The following BRINP3 variants were observed in gnomAD, a reference collection of about 807,000 sequenced individuals.
BRINP3 encodes the protein BMP/retinoic acid inducible neural specific 3.
BRINP3 carries 19 observed loss-of-function variants against 71.0 expected under a neutral mutation model. That is an observed-to-expected ratio of 0.27 (90% CI 0.19 to 0.39). The LOEUF (loss-of-function observed/expected upper bound fraction) is 0.39. Ranked by LOEUF, BRINP3 falls within the 10% of genes least tolerant of loss-of-function variation. The pLI is 1.00. For synonymous variants in BRINP3, 380 were observed against 337.7 expected, an observed-to-expected ratio of 1.13 and a Z score of -1.37; for missense variants, 959 against 940.8, an observed-to-expected ratio of 1.02 and a Z score of -0.25.
rs200148039 is a variant in BRINP3 at position 190,296,066 on chromosome 1, GT to G, written c.237-14317del. ...GTTTGTTTGTTTGTTTGCTTTTGTG[GT>G]TTTTTTTTTGGGGGGGGGCTGGGCT... On this transcript the variant is annotated intron_variant, in intron 2 of 7. Coordinates refer to ENST00000367462, the MANE Select transcript of BRINP3 (RefSeq NM_199051.3). Among the ~76,000 whole-genome samples the G allele has an allele frequency of 2.1e-3, 266 of 124,300 alleles. 4 individuals are homozygous for G. Among genetic ancestry groups the G allele is most frequent in the East Asian group, 0.012 (52 of 4,232 alleles). The allele number at this position is 124,300 out of a possible 152,430, so 81.5% of individuals were successfully genotyped here. A position where few individuals can be genotyped will look rare whatever the true frequency, so the allele number is the denominator to read the frequency against.
intron 6 of BRINP3, among the ~76,000 whole-genome samples, chr1:190,222,516 C>T (rs1656982249): frequency 6.6e-6 from 1 of 151,488 alleles, no homozygotes; most frequent in African/African-American, 2.4e-5. Flanking sequence ...ATAAACCAAA[C>T]CCCAAATTAA....
At chr1:190,340,485 G>A (rs886624422) in intron 2 of BRINP3, among the ~76,000 whole-genome samples, 11 of 151,412 alleles carry the variant, frequency 7.3e-5, no homozygotes, top group Non-Finnish European at 1.2e-4. Flanking sequence ...GTTTATTATG[G>A]GTCCCTGGAC....
intron 7 of BRINP3, among the ~76,000 whole-genome samples, chr1:190,114,221 T>C (rs1304510286): frequency 6.6e-6 from 1 of 152,174 alleles, no homozygotes; most frequent in Non-Finnish European, 1.5e-5. Flanking sequence ...CCTGCTTCTG[T>C]TCTGCCTTCT....
At chr1:190,393,183 A>AC (rs1309403765) in intron 2 of BRINP3, among the ~76,000 whole-genome samples, 5 of 151,708 alleles carry the variant, frequency 3.3e-5, no homozygotes, top group African/African-American at 4.8e-5. Context: ...TATTAAGCAC[A>AC]CATTTACATG....
rs115244145 is a variant in BRINP3, at chr1:190,464,523, C to T, written c.-50-9583G>A. Among the ~76,000 whole-genome samples, 670 of 151,960 alleles carry T rather than the reference C, an allele frequency of 4.4e-3. 2 individuals carry two copies. Among genetic ancestry groups the T allele is most frequent in the Non-Finnish European group, 7.1e-3 (480 of 67,854 alleles). On this transcript the variant is annotated intron_variant, in intron 1 of 7. Transcript: ENST00000367462. ...TTCGTAATCCCTGGAGCCCCTACTA[C>T]GTAATGCACTGTCTTAGGCATAGTA...
At chr1:190,134,368 A>G (rs1010916230) in intron 7 of BRINP3, among the ~76,000 whole-genome samples, 3 of 152,058 alleles carry the variant, frequency 2.0e-5, no homozygotes, top group Non-Finnish European at 4.4e-5. Context: ...GAGAGTGACA[A>G]AGCAGGATTA....
chr1:190,473,540 C>CTTTTTTTTTTTT (rs201424484), intron 1 of BRINP3, among the ~76,000 whole-genome samples: 1 of 133,078 alleles, frequency 7.5e-6, no homozygotes, highest in South Asian at 2.3e-4. Context: ...TAATTTTTCT[C>CTTTTTTTTTTTT]TTTTTTTTTT....
At chr1:190,101,938 A>T (rs1651740994) in intron 7 of BRINP3, among the ~76,000 whole-genome samples, 1 of 152,160 alleles carries the variant, frequency 6.6e-6, no homozygotes, top group Non-Finnish European at 1.5e-5. Flanking sequence ...TTATGGAAGG[A>T]AAGCGTTTCG....
At chr1:190,348,159 A>G (rs1022395199) in intron 2 of BRINP3, among the ~76,000 whole-genome samples, 1 of 152,166 alleles carries the variant, frequency 6.6e-6, no homozygotes, top group Non-Finnish European at 1.5e-5. Context: ...CTGTTCAGAA[A>G]GAGTACATTC....
intron 6 of BRINP3, among the ~76,000 whole-genome samples, chr1:190,187,406 T>G (rs1653627772): frequency 6.6e-6 from 1 of 152,152 alleles, no homozygotes; most frequent in African/African-American, 2.4e-5. Context: ...TAGTATACTT[T>G]TGCTTTTGTT....
chr1:190,177,559 A>G (rs1215299576), intron 6 of BRINP3, among the ~76,000 whole-genome samples: 1 of 152,042 alleles, frequency 6.6e-6, no homozygotes, highest in African/African-American at 2.4e-5. Context: ...TAAATGCATT[A>G]TTTAAACAAA....
chr1:190,131,180 CGGGGGGTGGGGGGT>C (rs1654510174), intron 7 of BRINP3, among the ~76,000 whole-genome samples: 1 of 77,744 alleles, frequency 1.3e-5, no homozygotes. Context: ...GTGTGTGTGG[CGGGGGGTGGGGGGT>C]GGGGGGACAG....
At chr1:190,219,176 A>T (rs1656659792) in intron 6 of BRINP3, among the ~76,000 whole-genome samples, 1 of 152,136 alleles carries the variant, frequency 6.6e-6, no homozygotes, top group South Asian at 2.1e-4. Flanking sequence ...TTAATAATTA[A>T]TCCTTCAATG....
intron 2 of BRINP3, among the ~76,000 whole-genome samples, chr1:190,323,361 C>A (rs1258860256): frequency 2.0e-5 from 3 of 151,786 alleles, no homozygotes. Context: ...AAAATGATGA[C>A]TTGATTTTCA....
intron 6 of BRINP3, among the ~76,000 whole-genome samples, chr1:190,215,082 T>C (rs1199099862): frequency 7.2e-6 from 1 of 138,142 alleles, no homozygotes; most frequent in Non-Finnish European, 1.6e-5. Context: ...TAGCAATCCA[T>C]GTAGCTATTA....
intron 6 of BRINP3, among the ~76,000 whole-genome samples, chr1:190,210,218 C>T (rs1309167117): frequency 6.6e-6 from 1 of 151,918 alleles, no homozygotes; most frequent in Non-Finnish European, 1.5e-5. Context: ...AAAGTATACA[C>T]AATTTAGTGA....
rs556569035 is a variant in BRINP3 at position 190,180,158 on chromosome 1, G to T, written c.962-19268C>A. ...TCTGCACACAAAAGGGAAAGAGCAC[G>T]TGCCTGCTGCCTACTTCAAAGGATC... On this transcript the variant is annotated intron_variant, in intron 6 of 7. Transcript: ENST00000367462. Among the ~76,000 whole-genome samples the T allele has an allele frequency of 4.6e-5, 7 of 152,164 alleles. No individual in the cohort carries two copies. In the South Asian group the frequency reaches 1.2e-3, roughly 27 times the overall value.
rs528962122 is a variant in BRINP3 at position 190,153,662 on chromosome 1, T to C, written c.1184+7006A>G. Among the ~76,000 whole-genome samples, 10 of 152,330 alleles carry C rather than the reference T, an allele frequency of 6.6e-5. No individual in the cohort carries two copies. The South Asian group carries it at 2.1e-3, about 32-fold the overall frequency. On this transcript the variant is annotated intron_variant, in intron 7 of 7. Coordinates refer to ENST00000367462, the MANE Select transcript of BRINP3 (RefSeq NM_199051.3). The stretch of plus-strand genomic sequence containing the variant: ...TCAGCAAAAGTCCCTCACATTAATA[T>C]ATAAATGCAATTTTTAACTAAATCA...
At chr1:190,471,580 T>G (rs1389427637) in intron 1 of BRINP3, among the ~76,000 whole-genome samples, 1 of 151,472 alleles carries the variant, frequency 6.6e-6, no homozygotes, top group African/African-American at 2.4e-5. Context: ...AAATGCCGGA[T>G]GTCATCCTAA....
Sources: gnomAD v4.1 joint callset for allele counts (sites outside exome capture counted in the v4.1 genomes callset) on GRCh38, gnomAD v4.1.1 for gene constraint, MANE v1.5 for transcripts, NCBI Gene and HGNC (gene_info 2026-07-23, HGNC 2026-07-21) for gene names.